The following HPS5 variants were observed in gnomAD, a reference collection of about 807,000 sequenced individuals.
HPS5 encodes the protein HPS5 biogenesis of lysosomal organelles complex 2 subunit 2.
HPS5 carries 83 observed loss-of-function variants against 128.0 expected under a neutral mutation model. The ratio of observed to expected loss-of-function variants is 0.65; its 90% CI spans 0.54 to 0.78. The LOEUF (loss-of-function observed/expected upper bound fraction) is 0.78. Among genes scored for constraint, HPS5 ranks in the 30% least tolerant of loss-of-function variants. The pLI is 0.00. For synonymous variants in HPS5, 475 were observed against 470.2 expected (o/e 1.01, Z -0.13); for missense variants, 1,281 against 1,326.2 (o/e 0.97, Z 0.53).
In HPS5 at chr11:18,291,612, G is replaced by T. The variant is rs760229257; in HGVS notation, c.2270C>A (p.Thr757Asn). 3.7e-6 allele frequency: 6 copies of T among 1,614,002 alleles called. No homozygotes were observed. Among genetic ancestry groups the T allele is most frequent in the Non-Finnish European group, 5.1e-6 (6 of 1,180,000 alleles). ...CAAAGTGTGGTCCACATGTCCACTGGTGCTTTTGATCTTAGAATTCAATAC... is the reference window on the plus strand; with the variant it reads ...CAAAGTGTGGTCCACATGTCCACTGTTGCTTTTGATCTTAGAATTCAATAC... The part of the protein sequence containing the change: ...LNVLNSKIKS[T>N]SGHVDHTLQQ... Residue 757 changes from threonine (T) to asparagine (N), a missense_variant, in exon 16 of 23, where the codon ACC becomes AAC. By Grantham distance (65) the Thr-to-Asn change is moderately conservative. Transcript: ENST00000349215.
intron 5 of HPS5, among the ~76,000 whole-genome samples, chr11:18,309,353 A>G (rs1028788047): frequency 2.6e-5 from 4 of 152,262 alleles, no homozygotes; most frequent in African/African-American, 7.2e-5. Context: ...AGCAAGGTTT[A>G]GAACATGTTA....
chr11:18,294,095 A>G (rs1860765442), intron 14 of HPS5, among the ~76,000 whole-genome samples: 1 of 152,206 alleles, frequency 6.6e-6, no homozygotes, highest in Non-Finnish European at 1.5e-5. Context: ...TATAAGGCAG[A>G]AGCCAGAGAG....
At position 18,297,643 on chromosome 11, in the gene HPS5, T is replaced by C. The variant is rs775885289; in HGVS notation, c.1239A>G (p.Leu413=). Residue 413 remains leucine (L), a synonymous_variant, in exon 11 of 23, where the codon CTA becomes CTG. Transcript: ENST00000349215. ...SQLDHGTYND[L]ISQLEELILK... is the part of the protein sequence containing the mutation. ...AGATCAATTCTTCCAGTTGAGAAAT[T>C]AGATCATTGTAGGTGCCATGGTCCA... 6 of 1,613,738 alleles carry C rather than the reference T, an allele frequency of 3.7e-6. No homozygotes were observed. The African/African-American group carries it at 6.7e-5, about 18-fold the overall frequency.
In HPS5 at chr11:18,283,815, C is replaced by T; in HGVS notation, c.3038G>A (p.Ser1013Asn). Residue 1013 changes from serine to asparagine, a missense_variant, in exon 21 of 23, where the codon AGC becomes AAC. Transcript: ENST00000349215. ...FTNIVYLNDM[S>N]LMEGDNGWIP... ...CATACCATTGTCCCCTTCCATCAGGCTCATATCATTCAGATACACAATATT... is the reference window on the plus strand; with the variant it reads ...CATACCATTGTCCCCTTCCATCAGGTTCATATCATTCAGATACACAATATT... 6.2e-7 allele frequency: 1 copy of T among 1,610,016 alleles called. No homozygotes were observed.
chr11:18,285,142 T>TAAAAAAAAAAAAAA (rs532196282), intron 20 of HPS5, among the ~76,000 whole-genome samples: 1 of 126,036 alleles, frequency 7.9e-6, no homozygotes. Flanking sequence ...TAAGGCTATT[T>TAAAAAAAAAAAAAA]AAAAAAAAAA....
chr11:18,288,438 A>G (rs1385924536), intron 16 of HPS5, among the ~76,000 whole-genome samples: 1 of 152,232 alleles, frequency 6.6e-6, no homozygotes, highest in African/African-American at 2.4e-5. Context: ...ATTAAATTCA[A>G]TGAAATTAAT....
intron 1 of HPS5, 105 bp downstream of exon 1, chr11:18,321,841 G>A (rs1399638207): frequency 3.9e-5 from 6 of 152,190 alleles, no homozygotes; most frequent in Non-Finnish European, 2.9e-5. Flanking sequence ...TCAACATTCT[G>A]AGTGCCTACT....
chr11:18,310,733 C>T lies in HPS5; in HGVS notation c.477+8G>A. The T allele has an allele frequency of 6.2e-7, 1 of 1,607,156 alleles. No individual in the cohort carries two copies. The highest frequency in any genetic ancestry group is 8.5e-7 in the Non-Finnish European group (1 of 1,174,256). On this transcript the variant is annotated splice_region_variant and intron_variant, in intron 5 of 22. Transcript: ENST00000349215. ...ACTACATACACAAAGAATGGGACTG[C>T]TTCTCACCTTTGCTTGTTTAGAAGT...
Position 18,292,023 on chromosome 11 carries a change from T to C in HPS5, c.1863-4A>G. 1.9e-6 allele frequency: 3 copies of C among 1,606,854 alleles called. No homozygotes were observed. Among genetic ancestry groups the C allele is most frequent in the South Asian group, 1.1e-5 (1 of 90,902 alleles). ...CAGAGGGTCCTGTAGCTTGGTCCTA[T>C]ACAAGACAGACAAGTATGAAATTCA... On this transcript the variant is annotated splice_polypyrimidine_tract_variant and splice_region_variant and intron_variant, in intron 15 of 22. Coordinates refer to ENST00000349215, the MANE Select transcript of HPS5 (RefSeq NM_181507.2).
At chr11:18,317,389 G>A (rs2133900941) in intron 2 of HPS5, among the ~76,000 whole-genome samples, 1 of 151,780 alleles carries the variant, frequency 6.6e-6, no homozygotes, top group East Asian at 2.0e-4. Flanking sequence ...CCGAGTACCT[G>A]GGATTACAGG....
At chr11:18,321,686 GAT>G (rs1357637622) in intron 1 of HPS5, among the ~76,000 whole-genome samples, 2 of 152,190 alleles carry the variant, frequency 1.3e-5, no homozygotes, top group African/African-American at 4.8e-5. Context: ...AAGTAAGAAA[GAT>G]AGCAAAAATT....
intron 1 of HPS5, among the ~76,000 whole-genome samples, chr11:18,318,826 A>G (rs1863947828): frequency 6.6e-6 from 1 of 152,150 alleles, no homozygotes; most frequent in African/African-American, 2.4e-5. Context: ...TATATATTCC[A>G]TCACTCATTT....
chr11:18,305,543 A>G (rs767577460), intron 7 of HPS5, 50 bp from the exon 8 acceptor site: 1 of 1,392,788 alleles, frequency 7.2e-7, no homozygotes, highest in Non-Finnish European at 1.0e-6. Flanking sequence ...AAAGTATAAC[A>G]TAAAATTACA....
chr11:18,292,063 T>G, intron 15 of HPS5, 44 bp from the exon 16 acceptor site: 1 of 1,461,224 alleles, frequency 6.8e-7, no homozygotes, highest in Non-Finnish European at 9.6e-7. Context: ...TCATGTGTTT[T>G]TCTTAAAACA....
intron 1 of HPS5, 28 bp downstream of exon 1, chr11:18,321,918 A>G (rs1864421092): frequency 6.6e-6 from 1 of 152,230 alleles, no homozygotes; most frequent in Non-Finnish European, 1.5e-5. Context: ...CTACCCACAA[A>G]AAGCTCCTTG....
Position 18,301,040 on chromosome 11 carries a change from T to C in HPS5, c.897-124A>G, listed in dbSNP as rs11824756. On this transcript the variant is annotated intron_variant, in intron 8 of 22. Transcript: ENST00000349215. ...AAACTGTACAAAGAAAACACAAGAG[T>C]GATCCAGCTAATCGAGTCCTAACAA... 2.5e-3 allele frequency: 1,736 copies of C among 701,812 alleles called. 21 individuals carry two copies. The African/African-American group carries it at 0.026, about 10-fold the overall frequency. The allele number at this position is 701,812 out of a possible 1,614,324, so 43.5% of individuals were successfully genotyped here.
At chr11:18,311,025 G>T in intron 4 of HPS5, 92 bp from the exon 5 acceptor site, 1 of 892,066 alleles carries the variant, frequency 1.1e-6, no homozygotes, top group South Asian at 1.4e-5. Context: ...AAATACATAT[G>T]CAACTCTTGT....
At chr11:18,307,154 T>A (rs910841583) in intron 6 of HPS5, among the ~76,000 whole-genome samples, 1 of 152,218 alleles carries the variant, frequency 6.6e-6, no homozygotes, top group African/African-American at 2.4e-5. Context: ...ACAATTCTTA[T>A]TCCTCTTTGG....
rs749250681 is a variant in HPS5 at position 18,311,451 on chromosome 11, C to T, written c.220G>A (p.Glu74Lys). Residue 74 changes from glutamate (E) to lysine (K), a missense_variant and splice_region_variant, in exon 4 of 23, where the codon GAA becomes AAA. Glu to Lys is a moderately conservative substitution (Grantham distance 56). Transcript: ENST00000349215. ...CAGGCGACTTGAGAAATTGCACCTT[C>T]CTAGAGCACAAAAGAAAATACATTT... The part of the protein sequence containing the change: ...WKHRLFLSHR[E>K]GAISQVACCL... The T allele has an allele frequency of 2.5e-6, 4 of 1,581,300 alleles. No homozygotes were observed. In the Admixed American group the frequency reaches 6.9e-5, roughly 27 times the overall value.
Sources: gnomAD v4.1 joint callset for allele counts (sites outside exome capture counted in the v4.1 genomes callset) on GRCh38, gnomAD v4.1.1 for gene constraint, MANE v1.5 for transcripts, NCBI Gene and HGNC (gene_info 2026-07-23, HGNC 2026-07-21) for gene names.